The following CACNG2 variants were observed in gnomAD, a reference collection of about 807,000 sequenced individuals.
The protein encoded by CACNG2 is calcium voltage-gated channel auxiliary subunit gamma 2, also known as voltage-dependent calcium channel gamma-2 subunit.
In CACNG2, 3 loss-of-function variants were observed where a neutral mutation model predicts 25.9. The observed-to-expected ratio is 0.12, with a 90% confidence interval of 0.05 to 0.30. CACNG2 has a LOEUF of 0.30. Among genes scored for constraint, CACNG2 ranks in the 10% least tolerant of loss-of-function variants. The pLI is 1.00. For missense variants in CACNG2, 341 were observed against 432.5 expected (o/e 0.79, Z 1.88); for synonymous variants, 167 against 173.3 (o/e 0.96, Z 0.29).
rs138044065 is a variant in CACNG2 at position 36,563,033 on chromosome 22, A to G, written c.*1318T>C. ...TTTGTTTTCACAGTTTAAAGCTGGAAAAGAATTAAAAGAAAAATACTATCT... is the reference window on the plus strand; with the variant it reads ...TTTGTTTTCACAGTTTAAAGCTGGAGAAGAATTAAAAGAAAAATACTATCT... On this transcript the variant is annotated 3_prime_UTR_variant, in exon 4 of 4. Transcript: ENST00000300105. 36 of 152,242 alleles carry G rather than the reference A, an allele frequency of 2.4e-4. 1 individual carries two copies. The East Asian group carries it at 6.7e-3, about 29-fold the overall frequency. The allele number at this position is 152,242 out of a possible 1,614,324, so 9.4% of individuals were successfully genotyped here.
Position 36,617,774 on chromosome 22 carries a change from T to C in CACNG2, c.212-30226A>G, listed in dbSNP as rs1773344008. 2.6e-5 allele frequency among the ~76,000 whole-genome samples: 4 copies of C among 151,306 alleles called. No homozygotes were observed. The East Asian group carries it at 5.8e-4, about 22-fold the overall frequency. ...TCATCACCTCTCTGCTTAACTTCCC[T>C]GAGCCTGTTTGTTCACCTGTAGAAT... On this transcript the variant is annotated intron_variant, in intron 1 of 3. Coordinates refer to ENST00000300105, the MANE Select transcript of CACNG2 (RefSeq NM_006078.5).
chr22:36,678,367 A>G (rs1937043580), intron 1 of CACNG2, among the ~76,000 whole-genome samples: 1 of 152,058 alleles, frequency 6.6e-6, no homozygotes, highest in Non-Finnish European at 1.5e-5. Flanking sequence ...TAGTAGCTCA[A>G]TTTTTAACCC....
rs564553753 is a variant in CACNG2, at chr22:36,688,779, T to C, written c.211+13587A>G. 9.9e-5 allele frequency among the ~76,000 whole-genome samples: 15 copies of C among 152,258 alleles called. No homozygotes were observed. In the South Asian group the frequency reaches 2.3e-3, roughly 23 times the overall value. ...CTCTGAAGCCTTGCTTCTCAAACTG[T>C]GGTCTGCAGACCTGTGGCATCAGCC... On this transcript the variant is annotated intron_variant, in intron 1 of 3. Coordinates refer to ENST00000300105, the MANE Select transcript of CACNG2 (RefSeq NM_006078.5).
At chr22:36,644,334 C>A (rs922209901) in intron 1 of CACNG2, among the ~76,000 whole-genome samples, 3 of 152,218 alleles carry the variant, frequency 2.0e-5, no homozygotes, top group Admixed American at 6.5e-5. Flanking sequence ...ATTAGCTTGA[C>A]GTCTTCCTGT....
chr22:36,693,175 G>A (rs1013998462), intron 1 of CACNG2, among the ~76,000 whole-genome samples: 5 of 152,132 alleles, frequency 3.3e-5, no homozygotes, highest in Non-Finnish European at 7.4e-5. Context: ...CAGGACTTGG[G>A]GGGCTACTGT....
At position 36,564,973 on chromosome 22, in the gene CACNG2, C is replaced by G; in HGVS notation, c.437-87G>C. ...TCGGCCACAGGGCAGCCGTAAAGGACGGGGACAGCTGTGTGGGCCTTCCCC... is the reference window on the plus strand; with the variant it reads ...TCGGCCACAGGGCAGCCGTAAAGGAGGGGGACAGCTGTGTGGGCCTTCCCC... On this transcript the variant is annotated intron_variant, in intron 3 of 3. Coordinates refer to ENST00000300105, the MANE Select transcript of CACNG2 (RefSeq NM_006078.5). This position sits in a 1 kb window ranked among gnomAD's most constrained non-coding sequence, Gnocchi z 6.7. 8.0e-7 allele frequency: 1 copy of G among 1,249,420 alleles called. No individual in the cohort carries two copies. 77.4% of individuals were successfully genotyped at this position (1,249,420 alleles called of 1,614,324 possible).
intron 1 of CACNG2, among the ~76,000 whole-genome samples, chr22:36,654,501 A>T (rs899588968): frequency 2.0e-5 from 3 of 152,056 alleles, no homozygotes; most frequent in Non-Finnish European, 2.9e-5. Context: ...AAAAGTGCTG[A>T]AATTACAGGT....
intron 1 of CACNG2, among the ~76,000 whole-genome samples, chr22:36,670,485 T>C (rs181353683): frequency 7.3e-4 from 111 of 152,296 alleles, no homozygotes; most frequent in African/African-American, 2.5e-3. Context: ...TTGATTATCA[T>C]GATAGCCAAA....
chr22:36,587,262 AC>A (rs988626743), intron 2 of CACNG2, among the ~76,000 whole-genome samples: 3 of 152,182 alleles, frequency 2.0e-5, no homozygotes, highest in Non-Finnish European at 4.4e-5. Flanking sequence ...AGTTTGCCAG[AC>A]AAAGACGGGC....
At chr22:36,667,929 T>C (rs1936896056) in intron 1 of CACNG2, among the ~76,000 whole-genome samples, 1 of 152,206 alleles carries the variant, frequency 6.6e-6, no homozygotes, top group African/African-American at 2.4e-5. Context: ...CTCAAAATCT[T>C]CAAGGATAAT....
intron 1 of CACNG2, among the ~76,000 whole-genome samples, chr22:36,623,736 GTAA>G (rs1320720746): frequency 7.9e-5 from 12 of 151,712 alleles, no homozygotes; most frequent in Non-Finnish European, 1.3e-4. Flanking sequence ...GATGACGATG[GTAA>G]TAAAAATGAT....
intron 2 of CACNG2, among the ~76,000 whole-genome samples, chr22:36,577,368 G>A (rs369363962): frequency 3.3e-5 from 5 of 152,096 alleles, no homozygotes; most frequent in Admixed American, 6.5e-5. Flanking sequence ...GAAATGAACC[G>A]GGGCCGGGCG....
rs545466364 is a variant in CACNG2, at chr22:36,563,473, C to T, written c.*878G>A. Among the ~76,000 whole-genome samples, 9 of 152,268 alleles carry T rather than the reference C, an allele frequency of 5.9e-5. No homozygotes were observed. The highest frequency in any genetic ancestry group is 1.9e-4 in the African/African-American group (8 of 41,560). On this transcript the variant is annotated 3_prime_UTR_variant, in exon 4 of 4. Transcript: ENST00000300105. ...GGTTTCCGGCATCTTGGTAAGCCAC[C>T]GGCAGCCTCCCCTCTCCTTCCCTTT...
At chr22:36,672,683 T>C (rs8138294) in intron 1 of CACNG2, among the ~76,000 whole-genome samples, 62,918 of 152,056 alleles carry the variant, frequency 0.41, 15,509 homozygotes, top group African/African-American at 0.69. Context: ...CCAGGATCCC[T>C]GCAAAGCCCA....
intron 1 of CACNG2, among the ~76,000 whole-genome samples, chr22:36,663,677 G>A (rs41311053): frequency 0.095 from 14,520 of 152,200 alleles, 987 homozygotes; most frequent in Non-Finnish European, 0.13. Context: ...AGAGTTTGCA[G>A]CGCTCGCAGA....
intron 1 of CACNG2, among the ~76,000 whole-genome samples, chr22:36,601,065 A>T (rs1935747652): frequency 1.3e-5 from 2 of 152,154 alleles, no homozygotes; most frequent in South Asian, 4.1e-4. Context: ...AATAGTCCCC[A>T]TGTTGTACAT....
intron 1 of CACNG2, among the ~76,000 whole-genome samples, chr22:36,603,473 T>C (rs1935784046): frequency 2.6e-5 from 4 of 152,224 alleles, no homozygotes; most frequent in Admixed American, 1.3e-4. Flanking sequence ...ATTTTCAAGG[T>C]AGATGCAACA....
At chr22:36,640,527 C>G (rs1936427385) in intron 1 of CACNG2, among the ~76,000 whole-genome samples, 1 of 152,224 alleles carries the variant, frequency 6.6e-6, no homozygotes, top group African/African-American at 2.4e-5. Context: ...CGCTTGGCTG[C>G]TTACTAGCCA....
At chr22:36,662,974 A>C (rs1372463286) in intron 1 of CACNG2, among the ~76,000 whole-genome samples, 1 of 152,052 alleles carries the variant, frequency 6.6e-6, no homozygotes, top group Non-Finnish European at 1.5e-5. Flanking sequence ...CCACACAGGG[A>C]ATCAAATAAT....
Sources: gnomAD v4.1 joint callset for allele counts (sites outside exome capture counted in the v4.1 genomes callset) on GRCh38, gnomAD v4.1.1 for gene constraint, Gnocchi (gnomAD v3.1) non-coding constraint, MANE v1.5 for transcripts, NCBI Gene and HGNC (gene_info 2026-07-23, HGNC 2026-07-21) for gene names.